HIPK3: variants seen among roughly 807,000 people sequenced by gnomAD.
HIPK3 encodes the protein homeodomain interacting protein kinase 3.
In HIPK3, 47 loss-of-function variants were observed where a neutral mutation model predicts 124.2. That is an observed-to-expected ratio of 0.38 (90% CI 0.30 to 0.48). The LOEUF (loss-of-function observed/expected upper bound fraction) is 0.48. HIPK3 is among the 20% of genes least tolerant of loss of function. The pLI is 0.98. For missense variants in HIPK3, 1,286 were observed against 1,454.3 expected (o/e 0.88, Z 1.88); for synonymous variants, 482 against 515.2 (o/e 0.94, Z 0.87).
chr11:33,289,360 C>T (rs1851638215), intron 2 of HIPK3, among the ~76,000 whole-genome samples: 1 of 151,834 alleles, frequency 6.6e-6, no homozygotes, highest in Admixed American at 6.6e-5. Flanking sequence ...TAGGAGGATC[C>T]CTTGAGCCCA....
intron 2 of HIPK3, among the ~76,000 whole-genome samples, chr11:33,291,369 A>G (rs980622421): frequency 2.4e-4 from 37 of 152,252 alleles, no homozygotes; most frequent in African/African-American, 8.4e-4. Context: ...CACAGTAGGA[A>G]TGCACATATC....
intron 1 of HIPK3, among the ~76,000 whole-genome samples, chr11:33,264,992 G>A (rs1277710811): frequency 6.6e-6 from 1 of 152,178 alleles, no homozygotes; most frequent in East Asian, 1.9e-4. Flanking sequence ...TAATGCTACA[G>A]TTTTAAATAG....
At chr11:33,258,877 G>T (rs1850748123) in intron 1 of HIPK3, among the ~76,000 whole-genome samples, 1 of 152,062 alleles carries the variant, frequency 6.6e-6, no homozygotes, top group Admixed American at 6.5e-5. Flanking sequence ...CTGTCAGTTG[G>T]CTGCTTCTAA....
chr11:33,266,359 A>T (rs964298060), intron 1 of HIPK3, among the ~76,000 whole-genome samples: 2 of 152,140 alleles, frequency 1.3e-5, no homozygotes, highest in African/African-American at 4.8e-5. Context: ...AGTAGCATTC[A>T]TGTTAAAGTT....
chr11:33,348,322 T>C, intron 12 of HIPK3, 94 bp downstream of exon 12: 8 of 1,194,436 alleles, frequency 6.7e-6, no homozygotes, highest in Non-Finnish European at 9.6e-6. Context: ...AAAGCAACTA[T>C]TTAAATGTAT....
At chr11:33,308,633 T>TGC (rs1338896113) in intron 2 of HIPK3, among the ~76,000 whole-genome samples, 3 of 151,744 alleles carry the variant, frequency 2.0e-5, no homozygotes, top group Non-Finnish European at 2.9e-5. Context: ...TGTGTGTGTG[T>TGC]GTGTGTGTGA....
At chr11:33,298,680 G>A (rs1168692770) in intron 2 of HIPK3, among the ~76,000 whole-genome samples, 1 of 152,206 alleles carries the variant, frequency 6.6e-6, no homozygotes, top group Non-Finnish European at 1.5e-5. Flanking sequence ...GGATGACTTC[G>A]AGGGGTTCAA....
intron 13 of HIPK3, 26 bp from the exon 14 acceptor site, chr11:33,349,121 T>C: frequency 6.2e-7 from 1 of 1,604,020 alleles, no homozygotes; most frequent in Non-Finnish European, 8.5e-7. Context: ...ATTTGACTCA[T>C]GTTTTTCCCT....
At chr11:33,307,672 C>G (rs968652011) in intron 2 of HIPK3, among the ~76,000 whole-genome samples, 2 of 151,646 alleles carry the variant, frequency 1.3e-5, no homozygotes, top group Non-Finnish European at 2.9e-5. Context: ...TCCCAAAGTG[C>G]TGGGATTACA....
At chr11:33,292,845 C>T (rs1851735604) in intron 2 of HIPK3, among the ~76,000 whole-genome samples, 1 of 152,144 alleles carries the variant, frequency 6.6e-6, no homozygotes, top group Non-Finnish European at 1.5e-5. Flanking sequence ...ACGCCATTCT[C>T]CTGCCTCAGC....
At chr11:33,315,187 C>T (rs1437425065) in intron 2 of HIPK3, among the ~76,000 whole-genome samples, 1 of 152,158 alleles carries the variant, frequency 6.6e-6, no homozygotes. Flanking sequence ...CTTAGCTTCT[C>T]TCTCTTGATA....
intron 15 of HIPK3, 37 bp from the exon 16 acceptor site, chr11:33,352,101 A>C (rs1853680159): frequency 6.3e-7 from 1 of 1,583,980 alleles, no homozygotes; most frequent in South Asian, 1.1e-5. Flanking sequence ...TTGAAAAGGA[A>C]AAAGCATAAA....
chr11:33,341,542 A>T, intron 7 of HIPK3, 21 bp from the exon 8 acceptor site: 7 of 1,599,806 alleles, frequency 4.4e-6, no homozygotes, highest in Non-Finnish European at 5.1e-6. Context: ...ACTGCTCTAT[A>T]TAATGTGCTC....
At chr11:33,294,927 T>G (rs1318216122) in intron 2 of HIPK3, among the ~76,000 whole-genome samples, 1 of 152,230 alleles carries the variant, frequency 6.6e-6, no homozygotes, top group Non-Finnish European at 1.5e-5. Context: ...CCCTGTCTCA[T>G]TAGTGTCCTC....
chr11:33,286,545 A>G lies in HIPK3; in HGVS notation c.131A>G (p.Tyr44Cys), dbSNP rs145481182. Residue 44 changes from tyrosine (Y) to cysteine (C), a missense_variant, in exon 2 of 17, where the codon TAT becomes TGT. Transcript: ENST00000303296. ...VFQERNYPRT[Y>C]VNGRNFGNSH... is the part of the protein sequence containing the mutation. ...CAGGAAAGAAACTATCCACGGACCT[A>G]TGTGAATGGTAGAAACTTTGGAAAT... 1.2e-6 allele frequency: 2 copies of G among 1,613,996 alleles called. No homozygotes were observed. Among genetic ancestry groups the G allele is most frequent in the African/African-American group, 1.3e-5 (1 of 74,920 alleles).
intron 5 of HIPK3, 46 bp from the exon 6 acceptor site, chr11:33,339,304 C>G (rs889442845): frequency 1.4e-6 from 2 of 1,469,190 alleles, no homozygotes; most frequent in East Asian, 4.6e-5. Flanking sequence ...ATACTACTCT[C>G]TGTGACTTAT....
At chr11:33,335,553 G>T (rs190450331) in intron 3 of HIPK3, 2 of 152,146 alleles carry the variant, frequency 1.3e-5, no homozygotes, top group African/African-American at 2.4e-5. Context: ...AATTCAGATT[G>T]CAGTGTGTTG....
chr11:33,311,092 C>T (rs538601469), intron 2 of HIPK3, among the ~76,000 whole-genome samples: 1 of 152,332 alleles, frequency 6.6e-6, no homozygotes, highest in Non-Finnish European at 1.5e-5. Context: ...ATATAAGGCT[C>T]ACTTTAGTAA....
At chr11:33,303,867 A>G (rs886370029) in intron 2 of HIPK3, among the ~76,000 whole-genome samples, 3 of 152,220 alleles carry the variant, frequency 2.0e-5, no homozygotes, top group African/African-American at 7.2e-5. Context: ...GTGAGAAAAC[A>G]TTGCATTACA....
Sources: allele counts gnomAD v4.1 joint callset (sites outside exome capture counted in the v4.1 genomes callset), GRCh38; gene constraint gnomAD v4.1.1; transcripts MANE v1.5; gene names NCBI Gene and HGNC (gene_info 2026-07-23, HGNC 2026-07-21).